DGKZ: variants seen among roughly 807,000 people sequenced by gnomAD.
DGKZ encodes diacylglycerol kinase zeta.
A neutral mutation model predicts 142.5 loss-of-function variants in DGKZ; 45 were observed. The observed-to-expected ratio is 0.32, with a 90% CI of 0.25 to 0.40. The LOEUF (loss-of-function observed/expected upper bound fraction) is 0.40, where lower values mean the gene tolerates loss of function less well. Among genes scored for constraint, DGKZ ranks in the 10% least tolerant of loss-of-function variants. DGKZ has a pLI of 1.00. For synonymous variants in DGKZ, 442 were observed against 527.0 expected (o/e 0.84, Z 2.21); for missense variants, 755 against 1,306.5 (o/e 0.58, Z 6.51).
upstream of DGKZ, among the ~76,000 whole-genome samples, chr11:46,345,818 G>A (rs182284447): frequency 7.2e-5 from 11 of 152,286 alleles, no homozygotes; most frequent in Non-Finnish European, 1.2e-4. This position sits in a 1 kb window ranked among gnomAD's most constrained non-coding sequence, Gnocchi z 4.1. Flanking sequence ...AGCAGTGGGG[G>A]GATCTGGGAA....
chr11:46,351,612 G>A (rs1205585339), intron 1 of DGKZ, among the ~76,000 whole-genome samples: 3 of 152,212 alleles, frequency 2.0e-5, no homozygotes, highest in Admixed American at 6.5e-5. Flanking sequence ...GGAGCGAAAG[G>A]AAACCTCTTT....
Position 46,339,837 on chromosome 11 carries a change from A to G in DGKZ, c.212+6350A>G, listed in dbSNP as rs140859427. 4.5e-4 allele frequency among the ~76,000 whole-genome samples: 68 copies of G among 152,324 alleles called. No homozygotes were observed. In the East Asian group the frequency reaches 8.7e-3, roughly 19 times the overall value. On this transcript the variant is annotated intron_variant, in intron 1 of 30. Transcript: ENST00000343674. ...CAGAGTTTTCAGAAAGGCCCCTCCAAGGTCCAGGGTGCCAGGGACAAGGGT... is the reference window on the plus strand; with the variant it reads ...CAGAGTTTTCAGAAAGGCCCCTCCAGGGTCCAGGGTGCCAGGGACAAGGGT...
At chr11:46,360,394 G>C (rs1024770295) in intron 1 of DGKZ, among the ~76,000 whole-genome samples, 9 of 152,106 alleles carry the variant, frequency 5.9e-5, no homozygotes, top group Admixed American at 5.9e-4. Context: ...GAGTGTAAAG[G>C]GGTCTGGGAG....
In DGKZ at chr11:46,372,537, G is replaced by T. The variant is rs768209880; in HGVS notation, c.1010+27G>T. ...TAAGTACTTGCCAAGGTTTTGTGGG[G>T]GACATGGGGGGGAACTTGCCTCACT... On this transcript the variant is annotated intron_variant, in intron 11 of 30. Transcript: ENST00000527911. This position sits in a 1 kb window ranked among gnomAD's most constrained non-coding sequence, Gnocchi z 5.9. 1 of 1,613,912 alleles carries T rather than the reference G, an allele frequency of 6.2e-7. No individual in the cohort carries two copies. The highest frequency in any genetic ancestry group is 8.5e-7 in the Non-Finnish European group (1 of 1,179,978).
chr11:46,349,751 C>T (rs1192139605), intron 1 of DGKZ, among the ~76,000 whole-genome samples: 1 of 152,146 alleles, frequency 6.6e-6, no homozygotes, highest in Non-Finnish European at 1.5e-5. Context: ...GGGATTTGCT[C>T]AGAGTCACAT....
At chr11:46,333,482 T>C (rs1939867076) in exon 1 of DGKZ, 1 of 1,541,964 alleles carries the variant, frequency 6.5e-7, no homozygotes, top group African/African-American at 1.4e-5. Context: ...AGCAGGTGTC[T>C]TACAGGTAAG....
At chr11:46,364,470 G>C in intron 1 of DGKZ, 2 of 1,266,660 alleles carry the variant, frequency 1.6e-6, no homozygotes, top group Non-Finnish European at 2.0e-6. Flanking sequence ...GGCCCAGGTG[G>C]TCTGCTTTGA....
intron 27 of DGKZ, chr11:46,378,704 T>G (rs1565088652): frequency 1.2e-6 from 1 of 856,384 alleles, no homozygotes; most frequent in Non-Finnish European, 1.9e-6. Flanking sequence ...AGTAGGGGCT[T>G]CCTAGCTCAG....
intron 1 of DGKZ, among the ~76,000 whole-genome samples, chr11:46,340,454 C>T (rs1418755543): frequency 3.9e-5 from 6 of 152,282 alleles, no homozygotes; most frequent in East Asian, 1.9e-4. Context: ...GCAGGCTCCT[C>T]TCTCACCTCC....
chr11:46,366,388 C>T (rs1943255756), intron 1 of DGKZ: 1 of 1,524,950 alleles, frequency 6.6e-7, no homozygotes, highest in East Asian at 2.4e-5. Context: ...AGGCCTCCTC[C>T]TCACTGGCAC....
intron 5 of DGKZ, 43 bp downstream of exon 5, chr11:46,369,593 C>A (rs750116491): frequency 3.2e-5 from 51 of 1,609,186 alleles, no homozygotes; most frequent in Non-Finnish European, 3.9e-5. Context: ...CCCTAAGATT[C>A]CTGCATGGGC....
chr11:46,376,190 G>A, intron 22 of DGKZ, 45 bp downstream of exon 22: 2 of 1,609,122 alleles, frequency 1.2e-6, no homozygotes, highest in Non-Finnish European at 1.7e-6. Flanking sequence ...GAGGGTGGTG[G>A]GAAGTGAGGC....
chr11:46,369,842 C>T lies in DGKZ; in HGVS notation c.502-99C>T, dbSNP rs569614750. On this transcript the variant is annotated intron_variant, in intron 5 of 30. Transcript: ENST00000527911. Reference sequence around the variant, plus strand: ...TCCACTCATGCGCAGGACTGCAGAGCGCTTCCTGCAGCCCCGTGTGTTGAG... The same window carrying T: ...TCCACTCATGCGCAGGACTGCAGAGTGCTTCCTGCAGCCCCGTGTGTTGAG... 1.7e-5 allele frequency: 22 copies of T among 1,284,404 alleles called. No homozygotes were observed. The African/African-American group carries it at 2.2e-4, about 13-fold the overall frequency. 79.6% of individuals were successfully genotyped at this position (1,284,404 alleles called of 1,614,324 possible).
chr11:46,333,098 C>A (rs1054860956), exon 1 of DGKZ: 2 of 476,274 alleles, frequency 4.2e-6, no homozygotes, highest in Non-Finnish European at 6.5e-6. Context: ...CTCTCCCAGG[C>A]GCAGCGCCCA....
At chr11:46,376,479 C>G in intron 23 of DGKZ, 45 bp from the exon 24 acceptor site, 13 of 1,613,876 alleles carry the variant, frequency 8.1e-6, no homozygotes, top group Non-Finnish European at 1.1e-5. Flanking sequence ...GGACCTGGGC[C>G]TGGACATGGC....
intron 1 of DGKZ, chr11:46,333,637 A>G (rs1372835236): frequency 4.1e-6 from 3 of 739,754 alleles, no homozygotes; most frequent in Admixed American, 2.6e-5. Flanking sequence ...TTTCGTGTAC[A>G]GCGGGAAGGA....
chr11:46,366,710 C>G (rs1565045451), intron 1 of DGKZ: 1 of 1,559,652 alleles, frequency 6.4e-7, no homozygotes, highest in East Asian at 2.4e-5. Context: ...CGCCCAGCCG[C>G]TGTTGCCCCT....
At position 46,365,728 on chromosome 11, in the gene DGKZ, G is replaced by A. The variant is rs1485330555; in HGVS notation, c.162-1563G>A. On this transcript the variant is annotated intron_variant, in intron 1 of 30. Coordinates refer to ENST00000527911, the Ensembl canonical transcript of DGKZ. ...GCTTGGTTTGCTCCATGTCCCATGA[G>A]GGGACACCTAACCTGCCCCCACCAT... 4.1e-6 allele frequency: 4 copies of A among 985,326 alleles called. No homozygotes were observed. In the African/African-American group the frequency reaches 5.2e-5, roughly 13 times the overall value. 61.0% of individuals were successfully genotyped at this position (985,326 alleles called of 1,614,324 possible).
chr11:46,348,816 C>A (rs1941003550), intron 1 of DGKZ, among the ~76,000 whole-genome samples: 3 of 152,214 alleles, frequency 2.0e-5, no homozygotes, highest in South Asian at 2.1e-4. Flanking sequence ...CCTGACCGAG[C>A]CTTGCCCTTC....
Sources: gnomAD v4.1 joint callset for allele counts (sites outside exome capture counted in the v4.1 genomes callset) on GRCh38, gnomAD v4.1.1 for gene constraint, Gnocchi (gnomAD v3.1) non-coding constraint, MANE v1.5 for transcripts, NCBI Gene and HGNC (gene_info 2026-07-23, HGNC 2026-07-21) for gene names.